PHF14: variants seen among roughly 807,000 people sequenced by gnomAD.
PHF14 encodes the protein PHD finger protein 14.
A neutral mutation model predicts 117.9 loss-of-function variants in PHF14; 55 were observed. The ratio of observed to expected loss-of-function variants is 0.47; its 90% CI spans 0.38 to 0.58. The LOEUF is 0.58. Ranked by LOEUF, PHF14 falls within the 20% of genes least tolerant of loss-of-function variation. The pLI, the probability that PHF14 is intolerant of heterozygous loss-of-function variation, is 0.00. For missense variants in PHF14, 978 were observed against 1,122.2 expected (o/e 0.87, Z 1.84); for synonymous variants, 409 against 368.6 (o/e 1.11, Z -1.26).
At chr7:11,067,417 CAA>C (rs1016381546) in intron 16 of PHF14, among the ~76,000 whole-genome samples, 3 of 151,996 alleles carry the variant, frequency 2.0e-5, no homozygotes, top group African/African-American at 7.3e-5. Flanking sequence ...TTTAATTCCT[CAA>C]AAAATTAAAG....
At chr7:11,169,004 G>T (rs1167033677) in intron 17 of PHF14, among the ~76,000 whole-genome samples, 1 of 151,738 alleles carries the variant, frequency 6.6e-6, no homozygotes, top group Non-Finnish European at 1.5e-5. Flanking sequence ...ACAAGTAATT[G>T]GAAAATTGGC....
At chr7:11,032,292 GTTA>G in intron 7 of PHF14, among the ~76,000 whole-genome samples, 1 of 152,186 alleles carries the variant, frequency 6.6e-6, no homozygotes, top group Middle Eastern at 3.4e-3. Flanking sequence ...ATGCCATTAG[GTTA>G]TTATTGTATT....
At position 11,169,434 on chromosome 7, in the gene PHF14, G is replaced by A; in HGVS notation, c.2791G>A (p.Glu931Lys). 6.8e-7 allele frequency: 1 copy of A among 1,478,718 alleles called. No individual in the cohort carries two copies. Among genetic ancestry groups the A allele is most frequent in the Admixed American group, 2.1e-5 (1 of 48,298 alleles). The allele number at this position is 1,478,718 out of a possible 1,614,324, so 91.6% of individuals were successfully genotyped here. A position where few individuals can be genotyped will look rare whatever the true frequency, so the allele number is the denominator to read the frequency against. Residue 931 changes from glutamate (E) to lysine (K), a missense_variant, in exon 18 of 18, where the codon GAA becomes AAA. This residue lies in a region of PHF14 where 180 missense variants were observed against 195.4 expected (regional missense o/e 0.92). Transcript: ENST00000634607. Reference protein sequence around the residue: ...SSSKEDENEAERKNISQELNM... With the variant: ...SSSKEDENEAKRKNISQELNM... Reference sequence around the variant, plus strand: ...TTCACAGGAAGATGAAAATGAAGCTGAAAGAAAAAATATATCTCAGGAGCT... The same window carrying A: ...TTCACAGGAAGATGAAAATGAAGCTAAAAGAAAAAATATATCTCAGGAGCT...
At chr7:10,976,457 T>C (rs527660153) in intron 2 of PHF14, among the ~76,000 whole-genome samples, 33 of 152,266 alleles carry the variant, frequency 2.2e-4, no homozygotes, top group Admixed American at 1.8e-3. Flanking sequence ...ACAAACATAG[T>C]TGGGTCGTGG....
intron 3 of PHF14, 146 bp from the exon 4 acceptor site, chr7:10,990,557 A>T: frequency 1.2e-5 from 7 of 573,692 alleles, no homozygotes; most frequent in East Asian, 2.9e-5. Context: ...AATATAATGT[A>T]CTTTGAAGTT....
At chr7:11,080,050 A>G (rs1438359743) in intron 16 of PHF14, among the ~76,000 whole-genome samples, 1 of 152,188 alleles carries the variant, frequency 6.6e-6, no homozygotes, top group East Asian at 1.9e-4. Context: ...TTAAGAGGAT[A>G]CATTTTTACT....
At chr7:11,106,173 G>A (rs1787254377) in intron 16 of PHF14, 3 of 978,400 alleles carry the variant, frequency 3.1e-6, no homozygotes, top group Non-Finnish European at 3.6e-6. Context: ...TAATCTGGCT[G>A]CCACAGATAT....
chr7:11,097,048 C>T (rs1458402698), intron 16 of PHF14, among the ~76,000 whole-genome samples: 2 of 144,458 alleles, frequency 1.4e-5, no homozygotes, highest in East Asian at 2.1e-4. Context: ...GGCACGATCT[C>T]GGCTCACTGC....
chr7:11,054,900 T>C (rs1041078832), intron 14 of PHF14, among the ~76,000 whole-genome samples: 20 of 152,144 alleles, frequency 1.3e-4, no homozygotes, highest in Admixed American at 1.1e-3. Context: ...AAAGTATAAT[T>C]TGTTTTCATG....
intron 3 of PHF14, among the ~76,000 whole-genome samples, chr7:10,986,374 G>A (rs756079424): frequency 1.4e-4 from 21 of 152,110 alleles, no homozygotes; most frequent in Non-Finnish European, 2.4e-4. Flanking sequence ...TAAAACTGAG[G>A]AAGCACACAA....
intron 17 of PHF14, among the ~76,000 whole-genome samples, chr7:11,117,595 A>ATATGTATAAATACAAATATGTATTTG (rs1562474239): frequency 6.6e-5 from 10 of 151,242 alleles, no homozygotes; most frequent in East Asian, 1.9e-4. Flanking sequence ...ATATGTATTT[A>ATATGTATAAATACAAATATGTATTTG]TATGTATAAA....
chr7:11,016,612 T>TGG (rs1469207433), intron 5 of PHF14, among the ~76,000 whole-genome samples: 1 of 152,166 alleles, frequency 6.6e-6, no homozygotes, highest in Non-Finnish European at 1.5e-5. Context: ...TTACTATTTG[T>TGG]GGGTACATAG....
chr7:10,977,753 C>T (rs1781916241), intron 2 of PHF14, among the ~76,000 whole-genome samples: 1 of 152,036 alleles, frequency 6.6e-6, no homozygotes, highest in South Asian at 2.1e-4. Context: ...ACCAGAAGAA[C>T]CATATGTAGA....
chr7:11,052,777 G>A (rs2128327064), intron 14 of PHF14, among the ~76,000 whole-genome samples: 1 of 152,182 alleles, frequency 6.6e-6, no homozygotes, highest in South Asian at 2.1e-4. Context: ...GTGTATGCAA[G>A]CCTTTCACCA....
At chr7:11,144,950 GAGAATGAGGTATTT>G (rs1480134548) in intron 17 of PHF14, among the ~76,000 whole-genome samples, 1 of 151,986 alleles carries the variant, frequency 6.6e-6, no homozygotes, top group Non-Finnish European at 1.5e-5. Flanking sequence ...AAGGAAAGGA[GAGAATGAGGTATTT>G]TGTGTGGTAT....
intron 16 of PHF14, among the ~76,000 whole-genome samples, chr7:11,073,015 C>T (rs1002059942): frequency 7.9e-5 from 12 of 152,222 alleles, no homozygotes; most frequent in African/African-American, 2.7e-4. Flanking sequence ...CCAGGCCCAC[C>T]TCCAATATTG....
chr7:11,068,694 T>C (rs530820240), intron 16 of PHF14, among the ~76,000 whole-genome samples: 2 of 152,294 alleles, frequency 1.3e-5, no homozygotes, highest in South Asian at 4.1e-4. Flanking sequence ...TATGTATATT[T>C]TACCACAATT....
intron 17 of PHF14, among the ~76,000 whole-genome samples, chr7:11,138,808 T>TTA (rs1458946677): frequency 6.6e-6 from 1 of 152,212 alleles, no homozygotes; most frequent in Admixed American, 6.5e-5. Flanking sequence ...TTCTGTTATT[T>TTA]TATACTCAAT....
chr7:10,990,416 A>G lies in PHF14; in HGVS notation c.901-287A>G, dbSNP rs376741300. ...AAGCAGAATAGCAAAGCAGATCAACAGTAGTTAGTTGCATGCGTGCTTTTT... is the reference window on the plus strand; with the variant it reads ...AAGCAGAATAGCAAAGCAGATCAACGGTAGTTAGTTGCATGCGTGCTTTTT... On this transcript the variant is annotated intron_variant, in intron 3 of 17. Coordinates refer to ENST00000634607, the MANE Select transcript of PHF14 (RefSeq NM_001007157.2). 1.3e-4 allele frequency among the ~76,000 whole-genome samples: 20 copies of G among 152,300 alleles called. 1 individual carries two copies. In the South Asian group the frequency reaches 4.1e-3, roughly 32 times the overall value.
Sources: gnomAD v4.1 joint callset for allele counts (sites outside exome capture counted in the v4.1 genomes callset) on GRCh38, gnomAD v4.1.1 for gene constraint, gnomAD v4.1.1 regional missense constraint, MANE v1.5 for transcripts, NCBI Gene and HGNC (gene_info 2026-07-23, HGNC 2026-07-21) for gene names.